The following OTUD7B variants were observed in gnomAD, a reference collection of about 807,000 sequenced individuals.
The protein encoded by OTUD7B is OTU deubiquitinase 7B, also known as OTU domain-containing protein 7B.
OTUD7B carries 34 observed loss-of-function variants against 82.2 expected under a neutral mutation model. The observed-to-expected ratio is 0.41, with a 90% CI of 0.31 to 0.55. The LOEUF is 0.55. OTUD7B is among the 20% of genes least tolerant of loss of function. OTUD7B has a pLI of 0.20. For missense variants in OTUD7B, 944 were observed against 1,062.1 expected, an observed-to-expected ratio of 0.89 and a Z score of 1.55; for synonymous variants, 398 against 402.7, an observed-to-expected ratio of 0.99 and a Z score of 0.14.
At chr1:149,988,925 A>G (rs1245163421) in intron 1 of OTUD7B, among the ~76,000 whole-genome samples, 1 of 152,234 alleles carries the variant, frequency 6.6e-6, no homozygotes, top group Non-Finnish European at 1.5e-5. Flanking sequence ...GGCTAATAGC[A>G]AAACACACTA....
At chr1:150,063,897 T>C in the OTUD7B span, among the ~76,000 whole-genome samples, 1 of 152,166 alleles carries the variant, frequency 6.6e-6, no homozygotes, top group African/African-American at 2.4e-5. Context: ...TTTTCCTAAG[T>C]TTTTTCTTCA....
rs1385037920 is a variant in OTUD7B, at chr1:149,939,277, C to T, written c.*4580G>A. ...AGCACAGAAAGAGGCCAAGGTCCTTCCCACCCCTACTCCTCTTAACTGCTG... is the reference window on the plus strand; with the variant it reads ...AGCACAGAAAGAGGCCAAGGTCCTTTCCACCCCTACTCCTCTTAACTGCTG... On this transcript the variant is annotated 3_prime_UTR_variant, in exon 12 of 12. Transcript: ENST00000581312. 6.6e-6 allele frequency: 1 copy of T among 152,236 alleles called. No homozygotes were observed. The highest frequency in any genetic ancestry group is 1.5e-5 in the Non-Finnish European group (1 of 68,096). The allele number at this position is 152,236 out of a possible 1,614,324, so 9.4% of individuals were successfully genotyped here. A position where few individuals can be genotyped will look rare whatever the true frequency, so the allele number is the denominator to read the frequency against.
upstream of OTUD7B, among the ~76,000 whole-genome samples, chr1:150,014,109 A>ATATATATATATAT (rs1559875242): frequency 5.9e-5 from 6 of 101,068 alleles, no homozygotes; most frequent in African/African-American, 1.8e-4. Context: ...TATATATAGT[A>ATATATATATATAT]GGGGCTCAGC....
chr1:150,028,248 G>C, the OTUD7B span, among the ~76,000 whole-genome samples: 1 of 152,288 alleles, frequency 6.6e-6, no homozygotes, highest in South Asian at 2.1e-4. Context: ...AAGTTCTGTA[G>C]AGCCCAGCTC....
At chr1:149,959,890 T>C in intron 6 of OTUD7B, 94 bp from the exon 7 acceptor site, 1 of 778,010 alleles carries the variant, frequency 1.3e-6, no homozygotes, top group Non-Finnish European at 2.3e-6. Context: ...ACTTACTCCC[T>C]AATCCCTTAG....
intron 1 of OTUD7B, among the ~76,000 whole-genome samples, chr1:149,978,495 C>T (rs587618208): frequency 9.2e-5 from 14 of 152,214 alleles, no homozygotes; most frequent in Non-Finnish European, 1.8e-4. Context: ...GTCAAAAGAG[C>T]GACTGTCTCA....
intron 1 of OTUD7B, among the ~76,000 whole-genome samples, chr1:149,997,898 G>A (rs587760776): frequency 8.6e-5 from 13 of 151,994 alleles, no homozygotes; most frequent in Admixed American, 8.5e-4. Flanking sequence ...TCAAAAGAAC[G>A]GACGATACAC....
At chr1:149,968,871 CA>C (rs1294719704) in intron 3 of OTUD7B, among the ~76,000 whole-genome samples, 22 of 149,286 alleles carry the variant, frequency 1.5e-4, no homozygotes, top group African/African-American at 5.6e-4. Context: ...CCACCACACC[CA>C]GCTAATTTTT....
At chr1:150,027,043 T>C in the OTUD7B span, among the ~76,000 whole-genome samples, 6 of 152,310 alleles carry the variant, frequency 3.9e-5, no homozygotes, top group Admixed American at 3.3e-4. Context: ...TCCTGCTAAA[T>C]AGTCTCCAAC....
intron 7 of OTUD7B, among the ~76,000 whole-genome samples, chr1:149,959,448 G>A (rs1251257719): frequency 6.6e-6 from 1 of 152,020 alleles, no homozygotes; most frequent in Non-Finnish European, 1.5e-5. Flanking sequence ...TGAAGATACT[G>A]GGTCATTTGT....
the OTUD7B span, among the ~76,000 whole-genome samples, chr1:150,038,676 C>T: frequency 1.3e-5 from 2 of 152,166 alleles, no homozygotes; most frequent in Non-Finnish European, 2.9e-5. Flanking sequence ...CATGAGCCAC[C>T]TCGCCCAGCC....
At chr1:149,946,858 GCCTGGCCAACATGGTGAAA>G (rs1647797903) in intron 11 of OTUD7B, among the ~76,000 whole-genome samples, 1 of 151,216 alleles carries the variant, frequency 6.6e-6, no homozygotes, top group African/African-American at 2.4e-5. Flanking sequence ...TTCGAGACCA[GCCTGGCCAACATGGTGAAA>G]CCTGTCCTCT....
the OTUD7B span, among the ~76,000 whole-genome samples, chr1:150,037,150 TA>T: frequency 6.6e-6 from 1 of 152,050 alleles, no homozygotes; most frequent in Non-Finnish European, 1.5e-5. Context: ...GCATTCTATC[TA>T]ATGGAAGTGA....
chr1:150,064,887 T>A, the OTUD7B span, among the ~76,000 whole-genome samples: 1 of 152,184 alleles, frequency 6.6e-6, no homozygotes, highest in Non-Finnish European at 1.5e-5. Flanking sequence ...TGAAGCTTAT[T>A]TACATATTCT....
At chr1:150,016,139 G>A in the OTUD7B span, among the ~76,000 whole-genome samples, 2 of 152,096 alleles carry the variant, frequency 1.3e-5, no homozygotes, top group African/African-American at 4.8e-5. Flanking sequence ...TGTTATATGG[G>A]ATAAATGCAT....
chr1:149,992,188 G>A lies in OTUD7B; in HGVS notation c.-66-14612C>T, dbSNP rs182769258. Among the ~76,000 whole-genome samples, 2 of 152,238 alleles carry A rather than the reference G, an allele frequency of 1.3e-5. 1 individual carries two copies. The highest frequency in any genetic ancestry group is 1.3e-4 in the Admixed American group (2 of 15,274). ...TGCACTGAGCTGACATGGCGCCACT[G>A]CACTCCAGCCTGGCGACACAGCAAG... is the stretch of plus-strand genomic sequence containing the variant. On this transcript the variant is annotated intron_variant, in intron 1 of 11. Transcript: ENST00000581312.
rs1647377715 is a variant in OTUD7B at position 149,943,175 on chromosome 1, G to C, written c.*682C>G. 6.6e-6 allele frequency: 1 copy of C among 152,440 alleles called. No individual in the cohort carries two copies. The highest frequency in any genetic ancestry group is 2.4e-5 in the African/African-American group (1 of 41,382). 9.4% of individuals were successfully genotyped at this position (152,440 alleles called of 1,614,324 possible). A position where few individuals can be genotyped will look rare whatever the true frequency, so the allele number is the denominator to read the frequency against. On this transcript the variant is annotated 3_prime_UTR_variant, in exon 12 of 12. Transcript: ENST00000581312. ...AATCTCTTCTCAAACTGTAACAGAT[G>C]ACATATGACTGCTTGGAAGGAAATA...
At chr1:150,036,937 G>T in the OTUD7B span, among the ~76,000 whole-genome samples, 1 of 152,064 alleles carries the variant, frequency 6.6e-6, no homozygotes, top group African/African-American at 2.4e-5. Context: ...GATCTAAATG[G>T]AAGCAATGTA....
At chr1:149,997,457 T>C (rs1651992117) in intron 1 of OTUD7B, among the ~76,000 whole-genome samples, 1 of 152,128 alleles carries the variant, frequency 6.6e-6, no homozygotes, top group African/African-American at 2.4e-5. Flanking sequence ...TCTCTTCCTT[T>C]TACTAAAAAA....
Sources: gnomAD v4.1 joint callset for allele counts (sites outside exome capture counted in the v4.1 genomes callset) on GRCh38, gnomAD v4.1.1 for gene constraint, MANE v1.5 for transcripts, NCBI Gene and HGNC (gene_info 2026-07-23, HGNC 2026-07-21) for gene names.